GFRA1: variants seen among roughly 807,000 people sequenced by gnomAD.
GFRA1 encodes GDNF family receptor alpha-1.
A neutral mutation model predicts 51.6 loss-of-function variants in GFRA1; 16 were observed. The ratio of observed to expected loss-of-function variants is 0.31; its 90% CI spans 0.21 to 0.47. The LOEUF (loss-of-function observed/expected upper bound fraction) is 0.47, where lower values mean the gene tolerates loss of function less well. Among genes scored for constraint, GFRA1 ranks in the 20% least tolerant of loss-of-function variants. GFRA1 has a pLI of 1.00. For synonymous variants in GFRA1, 270 were observed against 241.3 expected (o/e 1.12, Z -1.10); for missense variants, 530 against 594.3 (o/e 0.89, Z 1.13).
intron 6 of GFRA1, 98 bp downstream of exon 6, chr10:116,125,123 C>CCTTG: frequency 9.3e-7 from 1 of 1,070,596 alleles, no homozygotes; most frequent in Non-Finnish European, 1.4e-6. Context: ...CCCTCCTCTA[C>CCTTG]CTTGGTAGAA....
At chr10:116,097,035 C>G (rs537469924) in intron 6 of GFRA1, among the ~76,000 whole-genome samples, 1 of 152,210 alleles carries the variant, frequency 6.6e-6, no homozygotes, top group South Asian at 2.1e-4. Context: ...TCTTCAGGGC[C>G]TATAACTGGA....
At chr10:116,071,709 C>A (rs1264107392) in intron 9 of GFRA1, among the ~76,000 whole-genome samples, 4 of 152,214 alleles carry the variant, frequency 2.6e-5, no homozygotes, top group African/African-American at 7.2e-5. Flanking sequence ...TTTGACCTGA[C>A]TGGGGACTGG....
Position 116,262,716 on chromosome 10 carries a change from G to T in GFRA1, c.418+6787C>A, listed in dbSNP as rs1050608974. ...ATTGCTGAGGGGCAGGACAGGGAGAGAATAAAAACCAAAAGTAGTGGTCTG... is the reference window on the plus strand; with the variant it reads ...ATTGCTGAGGGGCAGGACAGGGAGATAATAAAAACCAAAAGTAGTGGTCTG... On this transcript the variant is annotated intron_variant, in intron 4 of 10. Transcript: ENST00000355422. 7.9e-5 allele frequency among the ~76,000 whole-genome samples: 12 copies of T among 152,286 alleles called. No homozygotes were observed. The South Asian group carries it at 1.7e-3, about 21-fold the overall frequency.
chr10:116,214,730 C>T (rs978123842), intron 4 of GFRA1, among the ~76,000 whole-genome samples: 8 of 152,194 alleles, frequency 5.3e-5, no homozygotes, highest in African/African-American at 1.9e-4. Flanking sequence ...GTCCAGAATC[C>T]TCAACCTCCT....
chr10:116,187,384 A>G (rs1159320464), intron 5 of GFRA1, among the ~76,000 whole-genome samples: 2 of 152,188 alleles, frequency 1.3e-5, no homozygotes, highest in Non-Finnish European at 1.5e-5. Context: ...TTTCTCCTTC[A>G]TACAGTAAGT....
chr10:116,068,317 G>A (rs1955213056), intron 9 of GFRA1, among the ~76,000 whole-genome samples: 1 of 152,204 alleles, frequency 6.6e-6, no homozygotes, highest in Non-Finnish European at 1.5e-5. Context: ...GAGCAGAGAG[G>A]CTCTGGAGGA....
At chr10:116,105,385 C>A (rs1956969048) in intron 6 of GFRA1, among the ~76,000 whole-genome samples, 1 of 152,226 alleles carries the variant, frequency 6.6e-6, no homozygotes, top group Non-Finnish European at 1.5e-5. Context: ...ACAGTGTGAG[C>A]TTGCTTCATG....
chr10:116,096,325 C>T (rs1253112250), intron 7 of GFRA1, among the ~76,000 whole-genome samples: 1 of 152,084 alleles, frequency 6.6e-6, no homozygotes, highest in Non-Finnish European at 1.5e-5. Flanking sequence ...CTTTCTTCTT[C>T]CATAACCAAA....
At chr10:116,197,745 C>T (rs534767620) in intron 5 of GFRA1, among the ~76,000 whole-genome samples, 15 of 152,258 alleles carry the variant, frequency 9.9e-5, no homozygotes, top group African/African-American at 2.9e-4. Context: ...GGTAGAGTTT[C>T]GGGGCAGTGT....
At position 116,064,541 on chromosome 10, in the gene GFRA1, T is replaced by C. The variant is rs1218206114; in HGVS notation, c.1255A>G (p.Asn419Asp). The C allele has an allele frequency of 6.2e-7, 1 of 1,611,486 alleles. No individual in the cohort carries two copies. Among genetic ancestry groups the C allele is most frequent in the African/African-American group, 1.3e-5 (1 of 74,816 alleles). ...GCACCGAGACCTTCTTTTTCATAAT[T>C]ACCCTGTAAGGAAGAATGGTTTCAT... ...GNTHLCISNG[N>D]YEKEGLGASS... is the part of the protein sequence containing the mutation. The change falls in exon 11 of 11, where the codon AAT (asparagine) becomes GAT (aspartate). Residue 419 changes from asparagine (N) to aspartate (D), a missense_variant. Coordinates refer to ENST00000355422, the MANE Select transcript of GFRA1 (RefSeq NM_005264.8).
At chr10:116,069,288 G>C (rs1192192491) in intron 9 of GFRA1, among the ~76,000 whole-genome samples, 1 of 152,158 alleles carries the variant, frequency 6.6e-6, no homozygotes, top group African/African-American at 2.4e-5. Flanking sequence ...TTTTAAGAAA[G>C]GGTGTTTCTT....
intron 5 of GFRA1, among the ~76,000 whole-genome samples, chr10:116,203,029 T>C (rs977640707): frequency 6.6e-6 from 1 of 151,906 alleles, no homozygotes; most frequent in Admixed American, 6.6e-5. Context: ...TGGAGATGAA[T>C]GGGGTGCGAT....
At position 116,065,581 on chromosome 10, in the gene GFRA1, T is replaced by G; in HGVS notation, c.1243A>C (p.Ile415Leu). The change falls in exon 10 of 11, where the codon ATT (isoleucine) becomes CTT (leucine). Residue 415 changes from isoleucine to leucine, a missense_variant. Physicochemically the swap from Ile to Leu is conservative, Grantham distance 5. Coordinates refer to ENST00000355422, the MANE Select transcript of GFRA1 (RefSeq NM_005264.8). The stretch of plus-strand genomic sequence containing the variant: ...AAAAGAAACATACTTACATTGGAAA[T>G]ACAGAGGTGTGTATTGCCCGACACA... ...SNVSGNTHLC[I>L]SNGNYEKEGL... The G allele has an allele frequency of 6.2e-7, 1 of 1,612,934 alleles. No homozygotes were observed. Among genetic ancestry groups the G allele is most frequent in the Non-Finnish European group, 8.5e-7 (1 of 1,179,010 alleles).
intron 5 of GFRA1, among the ~76,000 whole-genome samples, chr10:116,147,240 A>C (rs1338360330): frequency 1.3e-5 from 2 of 152,180 alleles, no homozygotes; most frequent in African/African-American, 4.8e-5. Flanking sequence ...TGTGTCCCGA[A>C]ATCTCCTGGG....
rs1373257304 is a variant in GFRA1, at chr10:116,059,793, A to G, written c.*4605T>C. The G allele has an allele frequency of 2.0e-5, 3 of 152,226 alleles. No individual in the cohort carries two copies. Among genetic ancestry groups the G allele is most frequent in the African/African-American group, 7.2e-5 (3 of 41,460 alleles). 9.4% of individuals were successfully genotyped at this position (152,226 alleles called of 1,614,324 possible). A position where few individuals can be genotyped will look rare whatever the true frequency, so the allele number is the denominator to read the frequency against. On this transcript the variant is annotated 3_prime_UTR_variant, in exon 11 of 11. Transcript: ENST00000355422. Reference sequence around the variant, plus strand: ...ACCATCCCCAATCCCAAAGCTAAGAAGAGGGAGCTCAGAGGAGAGTTAGCT... The same window carrying G: ...ACCATCCCCAATCCCAAAGCTAAGAGGAGGGAGCTCAGAGGAGAGTTAGCT...
chr10:116,110,141 A>G (rs1291844988), intron 6 of GFRA1, among the ~76,000 whole-genome samples: 1 of 152,228 alleles, frequency 6.6e-6, no homozygotes, highest in African/African-American at 2.4e-5. Flanking sequence ...GGAATCAGGC[A>G]GACTTTGGAA....
chr10:116,268,291 T>C (rs1248444343), intron 4 of GFRA1, among the ~76,000 whole-genome samples: 2 of 152,212 alleles, frequency 1.3e-5, no homozygotes, highest in African/African-American at 4.8e-5. Flanking sequence ...AATTTATTCA[T>C]CTATAAAATG....
intron 4 of GFRA1, among the ~76,000 whole-genome samples, chr10:116,267,887 T>A (rs1168958437): frequency 6.6e-6 from 1 of 152,038 alleles, no homozygotes; most frequent in Non-Finnish European, 1.5e-5. Context: ...TTTGAATTCC[T>A]CTTACACTAA....
chr10:116,062,374 T>G lies in GFRA1; in HGVS notation c.*2024A>C, dbSNP rs985105010. The G allele has an allele frequency of 2.7e-6, 1 of 365,240 alleles. No individual in the cohort carries two copies. The highest frequency in any genetic ancestry group is 4.9e-6 in the Non-Finnish European group (1 of 205,872). 22.6% of individuals were successfully genotyped at this position (365,240 alleles called of 1,614,324 possible). On this transcript the variant is annotated 3_prime_UTR_variant, in exon 11 of 11. Coordinates refer to ENST00000355422, the MANE Select transcript of GFRA1 (RefSeq NM_005264.8). ...CAAAGTAAGAGTCTTTATAGATCTT[T>G]TCACTAATTAAATACAGTTGGGTGT... is the stretch of plus-strand genomic sequence containing the variant.
Sources: gnomAD v4.1 joint callset for allele counts (sites outside exome capture counted in the v4.1 genomes callset) on GRCh38, gnomAD v4.1.1 for gene constraint, MANE v1.5 for transcripts, NCBI Gene and HGNC (gene_info 2026-07-23, HGNC 2026-07-21) for gene names.